Variants in GANC observed in about 807,000 individuals in gnomAD.
GANC encodes glucosidase alpha, neutral C.
In GANC, 117 loss-of-function variants were observed where a neutral mutation model predicts 124.2. The ratio of observed to expected loss-of-function variants is 0.94; its 90% CI spans 0.81 to 1.10. The LOEUF (loss-of-function observed/expected upper bound fraction) is 1.10. Ranked by LOEUF, GANC falls within the 50% of genes least tolerant of loss-of-function variation. The pLI is 0.00. For synonymous variants in GANC, 377 were observed against 376.8 expected, an observed-to-expected ratio of 1.00 and a Z score of -0.01; for missense variants, 1,140 against 1,095.0, an observed-to-expected ratio of 1.04 and a Z score of -0.58.
chr15:42,310,306 A>T lies in GANC; in HGVS notation c.746A>T (p.Tyr249Phe). The change falls in exon 9 of 24, where the codon TAT (tyrosine) becomes TTT (phenylalanine). Residue 249 changes from tyrosine to phenylalanine, a missense_variant. Tyr to Phe is a conservative substitution (Grantham distance 22). Transcript: ENST00000318010. Reference sequence around the variant, plus strand: ...AGTGATGGAGATGCTTACCGTCTTTATAACCTGGATGTCTATGGATACCAA... The same window carrying T: ...AGTGATGGAGATGCTTACCGTCTTTTTAACCTGGATGTCTATGGATACCAA... ...NTGDGDAYRL[Y>F]NLDVYGYQIY... 1 of 1,607,288 alleles carries T rather than the reference A, an allele frequency of 6.2e-7. No individual in the cohort carries two copies. Among genetic ancestry groups the T allele is most frequent in the Admixed American group, 1.7e-5 (1 of 59,032 alleles).
Position 42,343,174 on chromosome 15 carries a change from C to T in GANC, c.2229+20C>T. 1.9e-6 allele frequency: 3 copies of T among 1,592,708 alleles called. No individual in the cohort carries two copies. Among genetic ancestry groups the T allele is most frequent in the Non-Finnish European group, 2.6e-6 (3 of 1,160,540 alleles). On this transcript the variant is annotated intron_variant, in intron 19 of 23. Coordinates refer to ENST00000318010, the MANE Select transcript of GANC (RefSeq NM_198141.3). ...AATGAGGTAAGAGTAATAACAGCCA[C>T]ATATCTGATATGTCTCATATCTCTC...
intron 17 of GANC, 147 bp from the exon 18 acceptor site, chr15:42,340,543 G>A: frequency 1.7e-6 from 1 of 603,128 alleles, no homozygotes. Context: ...GGCGGAAACT[G>A]CAGTGAGCCA....
rs567578416 is a variant in GANC, at chr15:42,281,513, C to G, written c.201+2923C>G. ...AGCTATGGCCAACATGGCAAAACCC[C>G]ATCTCTACTAAAAATACAAAAATTA... is the stretch of plus-strand genomic sequence containing the variant. On this transcript the variant is annotated intron_variant, in intron 3 of 23. Coordinates refer to ENST00000318010, the MANE Select transcript of GANC (RefSeq NM_198141.3). 2.0e-4 allele frequency among the ~76,000 whole-genome samples: 30 copies of G among 152,088 alleles called. No individual in the cohort carries two copies. The South Asian group carries it at 4.4e-3, about 22-fold the overall frequency.
At chr15:42,342,809 T>C (rs1013510133) in intron 18 of GANC, among the ~76,000 whole-genome samples, 1 of 152,198 alleles carries the variant, frequency 6.6e-6, no homozygotes, top group African/African-American at 2.4e-5. Context: ...ACCGATGGAC[T>C]GTGTCAGAGT....
At chr15:42,324,431 G>T (rs1292269450) in intron 11 of GANC, among the ~76,000 whole-genome samples, 1 of 152,048 alleles carries the variant, frequency 6.6e-6, no homozygotes, top group African/African-American at 2.4e-5. Context: ...CCACTTGTGG[G>T]TATATACCCA....
intron 6 of GANC, among the ~76,000 whole-genome samples, chr15:42,299,762 A>C (rs1380656242): frequency 6.6e-6 from 1 of 152,236 alleles, no homozygotes; most frequent in African/African-American, 2.4e-5. Flanking sequence ...ACAGACATAT[A>C]GACCAGTGGA....
In GANC at chr15:42,345,786, A is replaced by T. The variant is rs766701363; in HGVS notation, c.2258A>T (p.His753Leu). The T allele has an allele frequency of 1.9e-6, 3 of 1,612,542 alleles. No homozygotes were observed. In the South Asian group the frequency reaches 3.3e-5, roughly 18 times the overall value. The part of the protein sequence containing the change: ...EVWYDYKTFA[H>L]WEGGCTVKIP... ...TGGTATGACTATAAGACATTTGCTC[A>T]TTGGGAAGGAGGGTGTACTGTAAAG... Residue 753 changes from histidine (H) to leucine (L), a missense_variant, in exon 20 of 24, where the codon CAT becomes CTT. Coordinates refer to ENST00000318010, the MANE Select transcript of GANC (RefSeq NM_198141.3).
intron 20 of GANC, among the ~76,000 whole-genome samples, chr15:42,347,551 A>T (rs1291646550): frequency 6.6e-6 from 1 of 152,116 alleles, no homozygotes. Flanking sequence ...CTCAGAATTG[A>T]GTCAGTCATC....
intron 6 of GANC, among the ~76,000 whole-genome samples, chr15:42,302,226 C>G (rs544769611): frequency 5.9e-5 from 9 of 152,298 alleles, no homozygotes; most frequent in African/African-American, 1.9e-4. Context: ...CTGGAATGGA[C>G]CTCCGGCAAA....
At chr15:42,345,370 C>T (rs1391419836) in intron 19 of GANC, among the ~76,000 whole-genome samples, 5 of 151,570 alleles carry the variant, frequency 3.3e-5, no homozygotes, top group Non-Finnish European at 4.4e-5. Context: ...TTCTTTTCTC[C>T]ATCACCTCTT....
intron 2 of GANC, among the ~76,000 whole-genome samples, chr15:42,277,523 T>G (rs2141010857): frequency 1.3e-5 from 2 of 148,742 alleles, no homozygotes; most frequent in South Asian, 4.3e-4. Flanking sequence ...AGAGTGAAAC[T>G]CCGTCTAAAA....
At position 42,339,853 on chromosome 15, in the gene GANC, C is replaced by T. The variant is rs1246301989; in HGVS notation, c.2028C>T (p.Leu676=). The T allele has an allele frequency of 1.9e-6, 3 of 1,613,956 alleles. No homozygotes were observed. Among genetic ancestry groups the T allele is most frequent in the East Asian group, 2.2e-5 (1 of 44,880 alleles). Residue 676 remains leucine (L), a synonymous_variant, in exon 17 of 24, where the codon CTC becomes CTT. Transcript: ENST00000318010. ...IREAIRERYG[L]LPYWYSLFYH... ...AAGCCATCAGAGAGCGCTATGGCCT[C>T]CTGCCATATTGGTATTCTCTGTTCT...
In GANC at chr15:42,310,233, T is replaced by A. The variant is rs780340425; in HGVS notation, c.723-50T>A. 94 of 1,333,266 alleles carry A rather than the reference T, an allele frequency of 7.1e-5. No homozygotes were observed. In the South Asian group the frequency reaches 1.1e-3, roughly 16 times the overall value. 82.6% of individuals were successfully genotyped at this position (1,333,266 alleles called of 1,614,324 possible). A position where few individuals can be genotyped will look rare whatever the true frequency, so the allele number is the denominator to read the frequency against. ...AGAGTAGAGCTGTTCTATTTATTAATATTAATAATATATTTGTGATGGTAA... is the reference window on the plus strand; with the variant it reads ...AGAGTAGAGCTGTTCTATTTATTAAAATTAATAATATATTTGTGATGGTAA... On this transcript the variant is annotated intron_variant, in intron 8 of 23. Transcript: ENST00000318010.
At chr15:42,291,997 C>T (rs1254184325) in intron 4 of GANC, among the ~76,000 whole-genome samples, 1 of 152,140 alleles carries the variant, frequency 6.6e-6, no homozygotes, top group Non-Finnish European at 1.5e-5. Flanking sequence ...TCTCTTTTTA[C>T]CTTCCTGAAA....
intron 3 of GANC, among the ~76,000 whole-genome samples, chr15:42,284,919 G>C (rs1416242184): frequency 6.6e-6 from 1 of 152,040 alleles, no homozygotes; most frequent in Non-Finnish European, 1.5e-5. Context: ...GGCTACAATT[G>C]AGTGTAACTA....
intron 2 of GANC, among the ~76,000 whole-genome samples, chr15:42,276,780 C>G (rs534133630): frequency 6.6e-6 from 1 of 152,110 alleles, no homozygotes; most frequent in South Asian, 2.1e-4. Flanking sequence ...AACCGAATTT[C>G]TTCATTTCTT....
chr15:42,273,619 G>A lies in GANC; in HGVS notation c.-863G>A, dbSNP rs932476382. On this transcript the variant is annotated 5_prime_UTR_variant, in exon 1 of 24. Coordinates refer to ENST00000318010, the MANE Select transcript of GANC (RefSeq NM_198141.3). ...TCATCCTGTTGGAACCTGGTCAGCTGGGTTAGAGAGATCGCTACATGCCAG... is the reference window on the plus strand; with the variant it reads ...TCATCCTGTTGGAACCTGGTCAGCTAGGTTAGAGAGATCGCTACATGCCAG... 11 of 691,086 alleles carry A rather than the reference G, an allele frequency of 1.6e-5. No individual in the cohort carries two copies. In the Admixed American group the frequency reaches 3.0e-4, roughly 19 times the overall value. The allele number at this position is 691,086 out of a possible 1,614,324, so 42.8% of individuals were successfully genotyped here. A position where few individuals can be genotyped will look rare whatever the true frequency, so the allele number is the denominator to read the frequency against.
At chr15:42,332,068 T>C (rs993313601) in intron 15 of GANC, among the ~76,000 whole-genome samples, 1 of 152,168 alleles carries the variant, frequency 6.6e-6, no homozygotes, top group Admixed American at 6.5e-5. Context: ...TAAATTATTC[T>C]CTTTTAGCTT....
chr15:42,276,783 C>T (rs1488109031), intron 2 of GANC, among the ~76,000 whole-genome samples: 1 of 152,100 alleles, frequency 6.6e-6, no homozygotes, highest in Non-Finnish European at 1.5e-5. Context: ...CGAATTTCTT[C>T]ATTTCTTATT....
Sources: gnomAD v4.1 joint callset for allele counts (sites outside exome capture counted in the v4.1 genomes callset) on GRCh38, gnomAD v4.1.1 for gene constraint, MANE v1.5 for transcripts, NCBI Gene and HGNC (gene_info 2026-07-23, HGNC 2026-07-21) for gene names.